SCARA5: variants seen among roughly 807,000 people sequenced by gnomAD.
SCARA5 encodes scavenger receptor class A, member 5 (putative).
Under a neutral mutation model 46.3 loss-of-function variants are expected in SCARA5, and 45 were observed. That is an observed-to-expected ratio of 0.97 (90% CI 0.76 to 1.24). SCARA5 has a LOEUF of 1.24. Ranked by LOEUF, SCARA5 falls within the 50% of genes most tolerant of loss-of-function variation. The probability of loss-of-function intolerance (pLI) is 0.00; values close to 1 mark genes in which losing one functional copy is unlikely to be tolerated. For synonymous variants in SCARA5, 333 were observed against 306.5 expected (o/e 1.09, Z -0.90); for missense variants, 680 against 689.0 (o/e 0.99, Z 0.15).
At chr8:27,976,975 G>A (rs1808534934) in intron 2 of SCARA5, among the ~76,000 whole-genome samples, 1 of 152,178 alleles carries the variant, frequency 6.6e-6, no homozygotes, top group East Asian at 1.9e-4. Context: ...AGTCCAGGCT[G>A]CCACAGCAAA....
At position 27,977,576 on chromosome 8, in the gene SCARA5, T is replaced by C. The variant is rs141663718; in HGVS notation, c.112+9928A>G. Among the ~76,000 whole-genome samples the C allele has an allele frequency of 5.7e-3, 870 of 152,346 alleles. 5 individuals carry two copies. The highest frequency in any genetic ancestry group is 6.6e-3 in the Non-Finnish European group (452 of 68,034). On this transcript the variant is annotated intron_variant, in intron 2 of 8. Transcript: ENST00000354914. ...TCCCATTCTCCTCATACACCAGTCATATGCCAGGGCGGTAGATGTTTCTCT... is the reference window on the plus strand; with the variant it reads ...TCCCATTCTCCTCATACACCAGTCACATGCCAGGGCGGTAGATGTTTCTCT...
Position 27,961,813 on chromosome 8 carries a change from C to T in SCARA5, c.241+4601G>A, listed in dbSNP as rs1808298801. ...CCTGCCACTTCTACTAGCTAAATGT[C>T]CCTGGGTAGCAATTCCATATTCATC... is the stretch of plus-strand genomic sequence containing the variant. On this transcript the variant is annotated intron_variant, in intron 3 of 8. Coordinates refer to ENST00000354914, the MANE Select transcript of SCARA5 (RefSeq NM_173833.6). Among the ~76,000 whole-genome samples, 4 of 152,270 alleles carry T rather than the reference C, an allele frequency of 2.6e-5. No individual in the cohort carries two copies. In the South Asian group the frequency reaches 8.3e-4, roughly 32 times the overall value.
intron 4 of SCARA5, among the ~76,000 whole-genome samples, chr8:27,916,371 G>A (rs1361616329): frequency 6.6e-6 from 1 of 152,032 alleles, no homozygotes; most frequent in Non-Finnish European, 1.5e-5. Flanking sequence ...GCATGTGTGT[G>A]TACATGCACA....
chr8:27,986,710 C>T (rs1808710646), intron 2 of SCARA5, among the ~76,000 whole-genome samples: 1 of 152,128 alleles, frequency 6.6e-6, no homozygotes, highest in South Asian at 2.1e-4. Flanking sequence ...AGTCATTGCT[C>T]TTGAGTAATT....
chr8:27,905,531 GGAAAAAAA>G lies in SCARA5; in HGVS notation c.1097-705_1097-698del, dbSNP rs1480324781. Among the ~76,000 whole-genome samples, 64 of 113,914 alleles carry G rather than the reference GGAAAAAAA, an allele frequency of 5.6e-4. 5 individuals carry two copies. Among genetic ancestry groups the G allele is most frequent in the African/African-American group, 1.7e-3 (57 of 33,004 alleles). The allele number at this position is 113,914 out of a possible 152,430, so 74.7% of individuals were successfully genotyped here. On this transcript the variant is annotated intron_variant, in intron 6 of 8. Transcript: ENST00000354914. ...CAGGATGATCCAAGATTTGGGGGGG[GGAAAAAAA>G]AAAGGCAGCCATATACATATATAGG...
intron 7 of SCARA5, among the ~76,000 whole-genome samples, chr8:27,895,965 C>A (rs191332785): frequency 1.3e-5 from 2 of 152,286 alleles, no homozygotes; most frequent in South Asian, 2.1e-4. Context: ...AGTCCTGAAC[C>A]AGGAGCTCAC....
At chr8:27,909,570 T>TG in intron 5 of SCARA5, 93 bp downstream of exon 5, 1 of 883,752 alleles carries the variant, frequency 1.1e-6, no homozygotes. Context: ...GGCACTCCCC[T>TG]GGGGAGCCCT....
intron 3 of SCARA5, among the ~76,000 whole-genome samples, chr8:27,959,670 T>G (rs1241374932): frequency 6.6e-6 from 1 of 152,150 alleles, no homozygotes; most frequent in Non-Finnish European, 1.5e-5. Flanking sequence ...GGAGAATGCC[T>G]TGTTATGATA....
chr8:27,978,024 G>GTTTTTTTTTT (rs11357387), intron 2 of SCARA5, among the ~76,000 whole-genome samples: 3 of 106,636 alleles, frequency 2.8e-5, no homozygotes, highest in Non-Finnish European at 3.8e-5. Flanking sequence ...TGTGTCTTTT[G>GTTTTTTTTTT]TTTTTTTTTT....
chr8:27,885,565 G>A (rs901617544), intron 7 of SCARA5, among the ~76,000 whole-genome samples: 1 of 152,184 alleles, frequency 6.6e-6, no homozygotes, highest in Non-Finnish European at 1.5e-5. Context: ...ACCCAGATGG[G>A]CAGGTGCTGG....
rs147507680 is a variant in SCARA5 at position 27,931,531 on chromosome 8, A to G, written c.242-9286T>C. On this transcript the variant is annotated intron_variant, in intron 3 of 8. Transcript: ENST00000354914. ...TGAGTCATAGGATAGGGCTCTAGGC[A>G]CCTATAAGTATCTTGACTCTGACTC... Among the ~76,000 whole-genome samples the G allele has an allele frequency of 7.1e-3, 1,087 of 152,176 alleles. 10 individuals carry two copies. The highest frequency in any genetic ancestry group is 9.1e-3 in the Non-Finnish European group (621 of 68,002).
chr8:27,948,273 G>T (rs1029742988), intron 3 of SCARA5, among the ~76,000 whole-genome samples: 1 of 148,900 alleles, frequency 6.7e-6, no homozygotes, highest in African/African-American at 2.6e-5. Context: ...TGACTTAGGG[G>T]AGGGTCTGGC....
chr8:27,907,748 T>C (rs1308861093), intron 5 of SCARA5, among the ~76,000 whole-genome samples: 1 of 152,052 alleles, frequency 6.6e-6, no homozygotes, highest in Non-Finnish European at 1.5e-5. Flanking sequence ...ATTTGTATTT[T>C]TAATAGAGAC....
At chr8:27,886,835 G>A (rs968592780) in intron 7 of SCARA5, among the ~76,000 whole-genome samples, 10 of 152,124 alleles carry the variant, frequency 6.6e-5, no homozygotes, top group Non-Finnish European at 1.0e-4. Context: ...TGTCAGCCCC[G>A]ACTTAATCAG....
At chr8:27,886,728 G>A (rs1009364592) in intron 7 of SCARA5, among the ~76,000 whole-genome samples, 2 of 152,184 alleles carry the variant, frequency 1.3e-5, no homozygotes, top group African/African-American at 4.8e-5. Context: ...TGGGCAGAGG[G>A]TTTAAATGCT....
intron 8 of SCARA5, among the ~76,000 whole-genome samples, chr8:27,877,927 G>A (rs1045856131): frequency 1.3e-5 from 2 of 152,226 alleles, no homozygotes; most frequent in African/African-American, 2.4e-5. Flanking sequence ...AGAGGAAGGC[G>A]GCTGGGAGGA....
At chr8:27,932,850 C>T (rs759764230) in intron 3 of SCARA5, among the ~76,000 whole-genome samples, 21 of 152,192 alleles carry the variant, frequency 1.4e-4, no homozygotes, top group Non-Finnish European at 2.8e-4. Flanking sequence ...AGGGTGGGCT[C>T]GAACTCCTGA....
chr8:27,887,184 C>T (rs548268541), intron 7 of SCARA5, among the ~76,000 whole-genome samples: 40 of 152,202 alleles, frequency 2.6e-4, no homozygotes, highest in South Asian at 4.2e-4. Flanking sequence ...TCAATGACTG[C>T]GAGGCACCTT....
At position 27,904,806 on chromosome 8, in the gene SCARA5, T is replaced by G; in HGVS notation, c.1125A>C (p.Gly375=). The G allele has an allele frequency of 6.2e-7, 1 of 1,613,248 alleles. No individual in the cohort carries two copies. The highest frequency in any genetic ancestry group is 8.5e-7 in the Non-Finnish European group (1 of 1,179,558). Residue 375 remains glycine, a synonymous_variant, in exon 7 of 9, where the codon GGA becomes GGC. Transcript: ENST00000354914. ...KGDRGPKGEK[G]EKGDRAGDAS... ...CATCCCCAGCTCTGTCTCCTTTCTC[T>G]CCTTTCTCTCCTTTTGGGCCTCGGT... is the stretch of plus-strand genomic sequence containing the variant.
Sources: gnomAD v4.1 joint callset for allele counts (sites outside exome capture counted in the v4.1 genomes callset) on GRCh38, gnomAD v4.1.1 for gene constraint, MANE v1.5 for transcripts, NCBI Gene and HGNC (gene_info 2026-07-23, HGNC 2026-07-21) for gene names.